ADGRB1: variants seen among roughly 807,000 people sequenced by gnomAD.
The protein encoded by ADGRB1 is adhesion G protein-coupled receptor B1.
ADGRB1 carries 36 observed loss-of-function variants against 175.7 expected under a neutral mutation model. The observed-to-expected ratio is 0.20, with a 90% CI of 0.16 to 0.27. ADGRB1 has a LOEUF of 0.27. Ranked by LOEUF, ADGRB1 falls within the 10% of genes least tolerant of loss-of-function variation. The pLI, the probability that ADGRB1 is intolerant of heterozygous loss-of-function variation, is 1.00. For missense variants in ADGRB1, 1,731 were observed against 2,255.3 expected, an observed-to-expected ratio of 0.77 and a Z score of 4.71; for synonymous variants, 1,054 against 979.4, an observed-to-expected ratio of 1.08 and a Z score of -1.42.
rs1563758204 is a variant in ADGRB1, at chr8:142,543,470, T to A, written c.4449+32T>A. On this transcript the variant is annotated intron_variant, in intron 29 of 30. Coordinates refer to ENST00000517894, the MANE Select transcript of ADGRB1 (RefSeq NM_001702.3). The surrounding 1 kb of genome is among the most constrained non-coding windows in gnomAD (Gnocchi z 4.4). ...TCTGGTGTCCCCCCCCACCAGACAC[T>A]TAGGGCCAGATGTGCTCTGGGCTCC... The A allele has an allele frequency of 1.5e-5, 24 of 1,613,178 alleles. No homozygotes were observed. Among genetic ancestry groups the A allele is most frequent in the Non-Finnish European group, 2.0e-5 (24 of 1,179,564 alleles).
At position 142,531,719 on chromosome 8, in the gene ADGRB1, T is replaced by A. The variant is rs202234878; in HGVS notation, c.3399-1576T>A. On this transcript the variant is annotated intron_variant, in intron 24 of 30. Transcript: ENST00000517894. ...CCTGCACGTGTCCTAGCCATGGGTA[T>A]GTGGTCATGCCTGAGGCTGGGGCCA... 2.0e-4 allele frequency among the ~76,000 whole-genome samples: 30 copies of A among 152,262 alleles called. 1 individual carries two copies. The East Asian group carries it at 5.6e-3, about 28-fold the overall frequency.
At chr8:142,457,631 C>A (rs897248505) in intron 1 of ADGRB1, among the ~76,000 whole-genome samples, 6 of 152,134 alleles carry the variant, frequency 3.9e-5, no homozygotes, top group Admixed American at 2.0e-4. Flanking sequence ...GTGACCTGGG[C>A]TCTCTACGGG....
At chr8:142,521,673 G>T (rs192666445) in intron 20 of ADGRB1, among the ~76,000 whole-genome samples, 13 of 152,344 alleles carry the variant, frequency 8.5e-5, no homozygotes, top group Non-Finnish European at 1.8e-4. Flanking sequence ...ACGCATGGGC[G>T]GGTACCTGGA....
In ADGRB1 at chr8:142,537,413, T is replaced by TA. The variant is rs1454774993; in HGVS notation, c.3666+332dup. On this transcript the variant is annotated intron_variant, in intron 26 of 30. Coordinates refer to ENST00000517894, the MANE Select transcript of ADGRB1 (RefSeq NM_001702.3). This position sits in a 1 kb window ranked among gnomAD's most constrained non-coding sequence, Gnocchi z 4.6. ...GCCCTCAACTCAAGGTCCCCATCCTTACACCTCCCAGGCCCACCCTCAGTG... is the reference window on the plus strand; with the variant it reads ...GCCCTCAACTCAAGGTCCCCATCCTTAACACCTCCCAGGCCCACCCTCAGTG... Among the ~76,000 whole-genome samples the TA allele has an allele frequency of 2.6e-5, 4 of 152,058 alleles. No individual in the cohort carries two copies. In the East Asian group the frequency reaches 7.8e-4, roughly 30 times the overall value.
chr8:142,482,665 A>G (rs1402628303), intron 11 of ADGRB1, among the ~76,000 whole-genome samples: 1 of 146,794 alleles, frequency 6.8e-6, no homozygotes, highest in Non-Finnish European at 1.5e-5. Context: ...CTGAGCCTCG[A>G]TCCTGGTCAC....
At position 142,543,369 on chromosome 8, in the gene ADGRB1, T is replaced by A; in HGVS notation, c.4414-34T>A. 2 of 1,613,020 alleles carry A rather than the reference T, an allele frequency of 1.2e-6. No individual in the cohort carries two copies. Among genetic ancestry groups the A allele is most frequent in the Non-Finnish European group, 1.7e-6 (2 of 1,179,472 alleles). Reference sequence around the variant, plus strand: ...AGAGGCGTGGACTTGTCAGGGACCCTTGGCGAATGTTCGCAAACCCCTTCT... The same window carrying A: ...AGAGGCGTGGACTTGTCAGGGACCCATGGCGAATGTTCGCAAACCCCTTCT... On this transcript the variant is annotated intron_variant, in intron 28 of 30. Transcript: ENST00000517894. The surrounding 1 kb of genome is among the most constrained non-coding windows in gnomAD (Gnocchi z 4.4).
intron 2 of ADGRB1, among the ~76,000 whole-genome samples, chr8:142,472,944 T>C (rs747704770): frequency 3.9e-5 from 6 of 152,132 alleles, no homozygotes; most frequent in Admixed American, 6.5e-5. Flanking sequence ...GCTTGGTTTG[T>C]GGGGGCAGGG....
At position 142,484,700 on chromosome 8, in the gene ADGRB1, T is replaced by C; in HGVS notation, c.2244T>C (p.Phe748=). 1 of 1,612,274 alleles carries C rather than the reference T, an allele frequency of 6.2e-7. No homozygotes were observed. The highest frequency in any genetic ancestry group is 8.5e-7 in the Non-Finnish European group (1 of 1,179,406). ...AGCTGTTCCGGCTGGTGGAGGACTT[T>C]GTGGACGTCATCGGCTTCCGCATGA... ...AKELFRLVED[F]VDVIGFRMKD... is the part of the protein sequence containing the mutation. Residue 748 remains phenylalanine, a synonymous_variant, in exon 13 of 31, where the codon TTT becomes TTC. Transcript: ENST00000517894.
chr8:142,495,597 T>C (rs1450886863), intron 17 of ADGRB1, among the ~76,000 whole-genome samples: 1 of 152,108 alleles, frequency 6.6e-6, no homozygotes, highest in Non-Finnish European at 1.5e-5. Flanking sequence ...CAGCTTCTGG[T>C]GGCTCTAGGA....
intron 1 of ADGRB1, among the ~76,000 whole-genome samples, chr8:142,461,410 G>C (rs1237662376): frequency 1.3e-5 from 2 of 152,204 alleles, no homozygotes; most frequent in Non-Finnish European, 2.9e-5. Flanking sequence ...ACCCCTCCCA[G>C]GCCTGCACAG....
intron 20 of ADGRB1, 31 bp downstream of exon 20, chr8:142,520,956 C>T: frequency 7.6e-6 from 12 of 1,581,234 alleles, no homozygotes; most frequent in South Asian, 3.3e-5. Context: ...CCATGCACTT[C>T]CCAACATCCT....
rs577173283 is a variant in ADGRB1 at position 142,494,376 on chromosome 8, A to G, written c.2675+3561A>G. ...CATTGAGCCCAGATCTTAGCCACAC[A>G]TAGTCCTGACCTTGGTCATACACTG... On this transcript the variant is annotated intron_variant, in intron 17 of 30. Coordinates refer to ENST00000517894, the MANE Select transcript of ADGRB1 (RefSeq NM_001702.3). Among the ~76,000 whole-genome samples, 61 of 151,946 alleles carry G rather than the reference A, an allele frequency of 4.0e-4. 1 individual carries two copies. The highest frequency in any genetic ancestry group is 1.3e-3 in the African/African-American group (54 of 41,412).
rs146109685 is a variant in ADGRB1 at position 142,490,019 on chromosome 8, G to A, written c.2631+581G>A. On this transcript the variant is annotated intron_variant, in intron 16 of 30. Coordinates refer to ENST00000517894, the MANE Select transcript of ADGRB1 (RefSeq NM_001702.3). ...TAGGGGCCGAGATGCCCTTCTGATGGGCCGAGAACCAGGGCCCCCAGGGAA... is the reference window on the plus strand; with the variant it reads ...TAGGGGCCGAGATGCCCTTCTGATGAGCCGAGAACCAGGGCCCCCAGGGAA... Among the ~76,000 whole-genome samples, 585 of 152,274 alleles carry A rather than the reference G, an allele frequency of 3.8e-3. 3 individuals are homozygous for A. The highest frequency in any genetic ancestry group is 0.014 in the African/African-American group (564 of 41,564).
At chr8:142,463,060 T>G (rs1376873302) in intron 1 of ADGRB1, among the ~76,000 whole-genome samples, 2 of 152,234 alleles carry the variant, frequency 1.3e-5, no homozygotes, top group Admixed American at 1.3e-4. Context: ...TCCGACCCAC[T>G]CACTGTGACG....
In ADGRB1 at chr8:142,464,123, C is replaced by G. The variant is rs541419523; in HGVS notation, c.-76C>G. 1.8e-5 allele frequency: 22 copies of G among 1,202,906 alleles called. No homozygotes were observed. In the East Asian group the frequency reaches 5.5e-4, roughly 30 times the overall value. The allele number at this position is 1,202,906 out of a possible 1,614,324, so 74.5% of individuals were successfully genotyped here. On this transcript the variant is annotated 5_prime_UTR_variant, in exon 2 of 31. Transcript: ENST00000517894. ...CCACCGGGCCGGCCCTGCCCGCCGC[C>G]GGACCCTGGCATGTCAAGACCTGGT...
intron 2 of ADGRB1, among the ~76,000 whole-genome samples, chr8:142,471,402 C>G (rs77469512): frequency 1.3e-5 from 2 of 152,242 alleles, no homozygotes; most frequent in Non-Finnish European, 2.9e-5. Flanking sequence ...AGCAGACAAC[C>G]GGGGTCGGGG....
rs139486378 is a variant in ADGRB1, at chr8:142,493,734, G to C, written c.2675+2919G>C. Among the ~76,000 whole-genome samples the C allele has an allele frequency of 6.6e-4, 101 of 152,380 alleles. No individual in the cohort carries two copies. Among genetic ancestry groups the C allele is most frequent in the African/African-American group, 2.3e-3 (97 of 41,594 alleles). On this transcript the variant is annotated intron_variant, in intron 17 of 30. Coordinates refer to ENST00000517894, the MANE Select transcript of ADGRB1 (RefSeq NM_001702.3). The surrounding 1 kb of genome is among the most constrained non-coding windows in gnomAD (Gnocchi z 5.0). ...CACAGCGCAGTGATCGAGGCCTTCT[G>C]CTCTGGAACTGGGCAGCCTGGAGCC...
At chr8:142,500,538 G>A (rs983843451) in intron 17 of ADGRB1, among the ~76,000 whole-genome samples, 1 of 151,466 alleles carries the variant, frequency 6.6e-6, no homozygotes, top group Non-Finnish European at 1.5e-5. Context: ...CTGGAAGGCC[G>A]TGAGCCTCTT....
At chr8:142,478,137 A>G (rs1198412058) in intron 6 of ADGRB1, 50 bp from the exon 7 acceptor site, 36 of 1,560,828 alleles carry the variant, frequency 2.3e-5, no homozygotes, top group Non-Finnish European at 3.0e-5. Context: ...CAAGCCAGGC[A>G]TTGGGGTGCC....
Sources: gnomAD v4.1 joint callset for allele counts (sites outside exome capture counted in the v4.1 genomes callset) on GRCh38, gnomAD v4.1.1 for gene constraint, Gnocchi (gnomAD v3.1) non-coding constraint, MANE v1.5 for transcripts, NCBI Gene and HGNC (gene_info 2026-07-23, HGNC 2026-07-21) for gene names.